TJP1: variants seen among roughly 807,000 people sequenced by gnomAD.
The protein encoded by TJP1 is tight junction protein 1, also known as tight junction protein ZO-1.
In TJP1, 43 loss-of-function variants were observed where a neutral mutation model predicts 194.2. The ratio of observed to expected loss-of-function variants is 0.22; its 90% CI spans 0.17 to 0.29. TJP1 has a LOEUF of 0.29. Ranked by LOEUF, TJP1 falls within the 10% of genes least tolerant of loss-of-function variation. The pLI is 1.00. For synonymous variants in TJP1, 801 were observed against 779.0 expected, an observed-to-expected ratio of 1.03 and a Z score of -0.47; for missense variants, 1,971 against 2,185.7, an observed-to-expected ratio of 0.90 and a Z score of 1.96.
intron 2 of TJP1, among the ~76,000 whole-genome samples, chr15:29,865,983 T>C (rs1044545101): frequency 2.0e-5 from 3 of 152,196 alleles, no homozygotes; most frequent in Non-Finnish European, 4.4e-5. Context: ...TTGATTGTAA[T>C]GAGACAGAAA....
intron 2 of TJP1, among the ~76,000 whole-genome samples, chr15:29,905,082 C>T (rs1347744053): frequency 2.0e-5 from 3 of 152,134 alleles, no homozygotes; most frequent in African/African-American, 7.2e-5. Context: ...TTTAAGCCAC[C>T]AAGTTTGTGG....
At chr15:29,786,154 C>T (rs1180145955) in intron 2 of TJP1, among the ~76,000 whole-genome samples, 3 of 152,228 alleles carry the variant, frequency 2.0e-5, no homozygotes, top group Non-Finnish European at 2.9e-5. Flanking sequence ...CAGATTGATT[C>T]GGTTTTTTAA....
chr15:29,928,133 A>C (rs2054582866), intron 2 of TJP1, among the ~76,000 whole-genome samples: 1 of 152,192 alleles, frequency 6.6e-6, no homozygotes, highest in African/African-American at 2.4e-5. Flanking sequence ...AACCACTAGT[A>C]GACACCACAA....
chr15:29,863,824 A>G (rs2052190706), intron 2 of TJP1, among the ~76,000 whole-genome samples: 1 of 152,168 alleles, frequency 6.6e-6, no homozygotes, highest in African/African-American at 2.4e-5. Context: ...CTTTTGCTGA[A>G]CTTGCTACTC....
intron 2 of TJP1, among the ~76,000 whole-genome samples, chr15:29,902,506 C>T (rs555057368): frequency 6.6e-6 from 1 of 152,034 alleles, no homozygotes; most frequent in African/African-American, 2.4e-5. Flanking sequence ...AGTAAAAACA[C>T]CTTTAAAAAT....
chr15:29,800,484 T>G (rs533125167), intron 2 of TJP1, 162 bp downstream of exon 2: 6 of 646,946 alleles, frequency 9.3e-6, no homozygotes, highest in Middle Eastern at 5.1e-4. Flanking sequence ...TGCTCACTTT[T>G]GACCTTAATA....
chr15:29,874,491 G>A (rs1439050434), intron 2 of TJP1, among the ~76,000 whole-genome samples: 2 of 152,256 alleles, frequency 1.3e-5, no homozygotes, highest in East Asian at 3.9e-4. Flanking sequence ...ACAGCAGTCA[G>A]AGACAATACC....
chr15:29,705,399 AC>A, intron 26 of TJP1, 128 bp downstream of exon 26: 2 of 942,736 alleles, frequency 2.1e-6, no homozygotes, highest in South Asian at 3.4e-5. Context: ...TCCCCAGGGC[AC>A]CCCTCGCTAC....
chr15:29,741,416 G>C lies in TJP1; in HGVS notation c.1171C>G (p.Gln391Glu), dbSNP rs1566936335. The C allele has an allele frequency of 6.2e-7, 1 of 1,606,914 alleles. No homozygotes were observed. Among genetic ancestry groups the C allele is most frequent in the Non-Finnish European group, 8.5e-7 (1 of 1,177,764 alleles). The change falls in exon 10 of 28, where the codon CAA becomes GAA. Residue 391 changes from glutamine (Q) to glutamate (E), a missense_variant. Coordinates refer to ENST00000614355, the MANE Select transcript of TJP1 (RefSeq NM_001330239.4). ...AAATCCACATCTGGTTGCCCAACTT[G>C]GGCATACACAGGCTTTGGTTCTAAG... ...SLPEPKPVYA[Q>E]VGQPDVDLPV...
intron 2 of TJP1, among the ~76,000 whole-genome samples, chr15:29,891,732 T>C (rs188624383): frequency 6.6e-6 from 1 of 152,210 alleles, no homozygotes; most frequent in African/African-American, 2.4e-5. Flanking sequence ...ACCCTGCCCA[T>C]ATAAGATGGC....
rs1044947542 is a variant in TJP1 at position 29,822,361 on chromosome 15, C to G, written c.-333G>C. On this transcript the variant is annotated 5_prime_UTR_variant, in exon 1 of 28. Transcript: ENST00000614355. ...CCCGTCAGCAGCACCCGTGGCCTCC[C>G]GGCGTCTCCTCGGAAGCCGGCTTCG... is the stretch of plus-strand genomic sequence containing the variant. The G allele has an allele frequency of 9.6e-7, 1 of 1,041,096 alleles. No homozygotes were observed. The highest frequency in any genetic ancestry group is 1.2e-6 in the Non-Finnish European group (1 of 866,020). 64.5% of individuals were successfully genotyped at this position (1,041,096 alleles called of 1,614,324 possible).
chr15:29,852,735 G>A (rs2051690166), intron 2 of TJP1, among the ~76,000 whole-genome samples: 3 of 151,880 alleles, frequency 2.0e-5, no homozygotes, highest in South Asian at 2.1e-4. Context: ...GAGAAACCCC[G>A]TCTCTACTAA....
intron 25 of TJP1, 39 bp downstream of exon 25, chr15:29,708,520 T>C (rs1322998954): frequency 2.0e-6 from 3 of 1,500,494 alleles, no homozygotes; most frequent in Non-Finnish European, 2.7e-6. Flanking sequence ...ATGAGAAAAA[T>C]CACAGGGCCA....
At chr15:29,957,766 G>T (rs936727214) in intron 1 of TJP1, among the ~76,000 whole-genome samples, 1 of 152,180 alleles carries the variant, frequency 6.6e-6, no homozygotes, top group Non-Finnish European at 1.5e-5. Flanking sequence ...AGTTAGGAAA[G>T]ATTGCTCAAA....
chr15:29,943,073 C>T (rs1311623424), intron 2 of TJP1, among the ~76,000 whole-genome samples: 1 of 152,158 alleles, frequency 6.6e-6, no homozygotes, highest in Admixed American at 6.5e-5. Context: ...AAAATAACTG[C>T]AAGCTGTGAT....
chr15:29,869,257 A>G (rs1334071472), intron 2 of TJP1, among the ~76,000 whole-genome samples: 1 of 152,220 alleles, frequency 6.6e-6, no homozygotes, highest in African/African-American at 2.4e-5. Context: ...GCAGGACACA[A>G]CAGTCAAACA....
rs563513080 is a variant in TJP1, at chr15:29,859,820, G to A, written c.307-59118C>T. 5.3e-5 allele frequency among the ~76,000 whole-genome samples: 8 copies of A among 152,130 alleles called. No homozygotes were observed. In the South Asian group the frequency reaches 1.7e-3, roughly 32 times the overall value. ...TAACGCTGTTAGTATCCCTTGACTG[G>A]AAGGCACCATAGCATTTATGTGTAA... On this transcript the variant is annotated intron_variant, in intron 2 of 28. Transcript: ENST00000356107.
At chr15:29,903,526 C>T (rs770363290) in intron 2 of TJP1, among the ~76,000 whole-genome samples, 1 of 151,914 alleles carries the variant, frequency 6.6e-6, no homozygotes, top group Non-Finnish European at 1.5e-5. Context: ...CTCACTGCAA[C>T]CTCTGCCTCC....
intron 2 of TJP1, among the ~76,000 whole-genome samples, chr15:29,894,471 T>C (rs888717285): frequency 2.6e-5 from 4 of 152,134 alleles, no homozygotes; most frequent in Non-Finnish European, 5.9e-5. Flanking sequence ...AAAATATATA[T>C]GCAAAATTGA....
Sources: gnomAD v4.1 joint callset for allele counts (sites outside exome capture counted in the v4.1 genomes callset) on GRCh38, gnomAD v4.1.1 for gene constraint, MANE v1.5 for transcripts, NCBI Gene and HGNC (gene_info 2026-07-23, HGNC 2026-07-21) for gene names.